The following CADM1 variants were observed in gnomAD, a reference collection of about 807,000 sequenced individuals.
CADM1 encodes TSLC-1.
Under a neutral mutation model 53.1 loss-of-function variants are expected in CADM1, and 15 were observed. The observed-to-expected ratio is 0.28, with a 90% CI of 0.19 to 0.44. CADM1 has a LOEUF of 0.44. Ranked by LOEUF, CADM1 falls within the 20% of genes least tolerant of loss-of-function variation. The pLI, the probability that CADM1 is intolerant of heterozygous loss-of-function variation, is 1.00. For missense variants in CADM1, 434 were observed against 611.3 expected (o/e 0.71, Z 3.06); for synonymous variants, 281 against 243.0 (o/e 1.16, Z -1.45).
chr11:115,384,957 TA>T (rs1946664094), intron 1 of CADM1, among the ~76,000 whole-genome samples: 1 of 152,200 alleles, frequency 6.6e-6, no homozygotes, highest in Admixed American at 6.5e-5. Flanking sequence ...ACAATACAGC[TA>T]AAAGACATTT....
chr11:115,499,882 T>A (rs551327468), intron 1 of CADM1, among the ~76,000 whole-genome samples: 11 of 152,252 alleles, frequency 7.2e-5, no homozygotes. Flanking sequence ...TAATTTTTAA[T>A]GTGAATATGA....
chr11:115,300,808 A>G (rs1365174255), intron 1 of CADM1, among the ~76,000 whole-genome samples: 1 of 152,120 alleles, frequency 6.6e-6, no homozygotes, highest in Non-Finnish European at 1.5e-5. Flanking sequence ...AGGTGAATAC[A>G]TTATTTAAAA....
At chr11:115,275,156 C>G (rs1943409185) in intron 1 of CADM1, among the ~76,000 whole-genome samples, 1 of 152,206 alleles carries the variant, frequency 6.6e-6, no homozygotes, top group Non-Finnish European at 1.5e-5. Flanking sequence ...AACAGCATGG[C>G]ATGGCCCCTC....
intron 1 of CADM1, among the ~76,000 whole-genome samples, chr11:115,331,313 A>G (rs2135217224): frequency 6.6e-6 from 1 of 152,336 alleles, no homozygotes; most frequent in East Asian, 1.9e-4. Context: ...CTCTCTAAAC[A>G]ATGAGTGTTT....
At chr11:115,211,083 G>C (rs1385887665) in intron 7 of CADM1, among the ~76,000 whole-genome samples, 1 of 152,130 alleles carries the variant, frequency 6.6e-6, no homozygotes, top group African/African-American at 2.4e-5. Flanking sequence ...AAATGGTTAA[G>C]TTAGTGATTT....
chr11:115,467,130 C>T (rs1222962088), intron 1 of CADM1, among the ~76,000 whole-genome samples: 1 of 152,130 alleles, frequency 6.6e-6, no homozygotes, highest in African/African-American at 2.4e-5. Context: ...TTATGAGAGA[C>T]CGGGTGAGAG....
In CADM1 at chr11:115,444,398, T is replaced by A. The variant is rs567001436; in HGVS notation, c.124+59873A>T. Reference sequence around the variant, plus strand: ...ACCTGAAAAATTGGTCCTGGAGCTGTATAATTGGGGATAAAAATTAAATGA... The same window carrying A: ...ACCTGAAAAATTGGTCCTGGAGCTGAATAATTGGGGATAAAAATTAAATGA... On this transcript the variant is annotated intron_variant, in intron 1 of 11. Coordinates refer to ENST00000331581, the MANE Select transcript of CADM1 (RefSeq NM_001301043.2). Among the ~76,000 whole-genome samples the A allele has an allele frequency of 7.2e-4, 109 of 152,348 alleles. 2 individuals carry two copies. The South Asian group carries it at 0.022, about 30-fold the overall frequency.
intron 1 of CADM1, among the ~76,000 whole-genome samples, chr11:115,501,311 G>A (rs1949721090): frequency 6.6e-6 from 1 of 152,108 alleles, no homozygotes; most frequent in Non-Finnish European, 1.5e-5. Flanking sequence ...ACAATAACAG[G>A]GCGGCACTTT....
intron 5 of CADM1, among the ~76,000 whole-genome samples, chr11:115,222,446 G>A (rs540658574): frequency 3.5e-4 from 54 of 152,232 alleles, no homozygotes; most frequent in Non-Finnish European, 5.6e-4. Flanking sequence ...GTGAATGAAC[G>A]GAGTCACACA....
At chr11:115,473,395 G>A (rs1949059497) in intron 1 of CADM1, among the ~76,000 whole-genome samples, 1 of 152,068 alleles carries the variant, frequency 6.6e-6, no homozygotes. Flanking sequence ...GGAGTTCAAG[G>A]TTGCAGTGAG....
At chr11:115,280,684 C>G (rs571752126) in intron 1 of CADM1, among the ~76,000 whole-genome samples, 2 of 152,344 alleles carry the variant, frequency 1.3e-5, no homozygotes, top group South Asian at 4.1e-4. Flanking sequence ...CAGATCTTCA[C>G]AGATCCGTGG....
chr11:115,293,480 C>T (rs1043406608), intron 1 of CADM1, among the ~76,000 whole-genome samples: 1 of 152,136 alleles, frequency 6.6e-6, no homozygotes, highest in African/African-American at 2.4e-5. Flanking sequence ...CCTCCAGAGA[C>T]CCCAGAAACT....
intron 1 of CADM1, among the ~76,000 whole-genome samples, chr11:115,406,909 C>T (rs1947329032): frequency 1.3e-5 from 2 of 150,694 alleles, no homozygotes; most frequent in Admixed American, 6.6e-5. Flanking sequence ...GAGATTATGC[C>T]ATTGCACTCC....
intron 1 of CADM1, among the ~76,000 whole-genome samples, chr11:115,257,980 A>G (rs1036684978): frequency 2.6e-5 from 4 of 152,192 alleles, no homozygotes; most frequent in African/African-American, 9.7e-5. Flanking sequence ...ATGCTCTGAG[A>G]ATTGGCATAC....
At chr11:115,387,329 C>T (rs1946724071) in intron 1 of CADM1, among the ~76,000 whole-genome samples, 1 of 151,730 alleles carries the variant, frequency 6.6e-6, no homozygotes, top group South Asian at 2.1e-4. Flanking sequence ...TAGTGTTCCA[C>T]ATATTCAAAA....
chr11:115,206,758 C>CTGTTTTTTT (rs1940706281), intron 8 of CADM1, among the ~76,000 whole-genome samples: 1 of 38,204 alleles, frequency 2.6e-5, no homozygotes, highest in Non-Finnish European at 4.5e-5. Flanking sequence ...CTGTGGACTT[C>CTGTTTTTTT]TTTTTTTTTT....
chr11:115,190,627 G>T, intron 10 of CADM1: 1 of 454,728 alleles, frequency 2.2e-6, no homozygotes. Flanking sequence ...TGAACAGAGG[G>T]GCTTTAGTAC....
intron 1 of CADM1, among the ~76,000 whole-genome samples, chr11:115,275,059 G>C (rs1943406855): frequency 6.6e-6 from 1 of 152,178 alleles, no homozygotes; most frequent in South Asian, 2.1e-4. Flanking sequence ...GAAAAAATGA[G>C]CATGGAAAAA....
intron 1 of CADM1, among the ~76,000 whole-genome samples, chr11:115,364,591 A>G (rs554090916): frequency 2.4e-4 from 36 of 152,128 alleles, no homozygotes; most frequent in African/African-American, 8.4e-4. Flanking sequence ...CTTGTTTAGC[A>G]GGGACCACAT....
Sources: gnomAD v4.1 joint callset for allele counts (sites outside exome capture counted in the v4.1 genomes callset) on GRCh38, gnomAD v4.1.1 for gene constraint, MANE v1.5 for transcripts, NCBI Gene and HGNC (gene_info 2026-07-23, HGNC 2026-07-21) for gene names.